Variants in BCAS3 observed in about 807,000 individuals in gnomAD.
BCAS3 encodes BCAS3 microtubule associated cell migration factor.
Under a neutral mutation model 116.1 loss-of-function variants are expected in BCAS3, and 53 were observed. The ratio of observed to expected loss-of-function variants is 0.46; its 90% CI spans 0.37 to 0.57. The LOEUF is 0.57. Ranked by LOEUF, BCAS3 falls within the 20% of genes least tolerant of loss-of-function variation. The pLI, the probability that BCAS3 is intolerant of heterozygous loss-of-function variation, is 0.00. For synonymous variants in BCAS3, 391 were observed against 408.2 expected, an observed-to-expected ratio of 0.96 and a Z score of 0.51; for missense variants, 917 against 1,165.4, an observed-to-expected ratio of 0.79 and a Z score of 3.10.
intron 14 of BCAS3, among the ~76,000 whole-genome samples, chr17:60,977,723 A>T (rs533755474): frequency 4.0e-5 from 6 of 150,392 alleles, no homozygotes; most frequent in African/African-American, 1.2e-4. Context: ...TCATTGTTCA[A>T]TTCCCACCTA....
chr17:60,989,029 C>G (rs1018557228), intron 14 of BCAS3, among the ~76,000 whole-genome samples: 5 of 151,676 alleles, frequency 3.3e-5, no homozygotes, highest in Admixed American at 2.0e-4. Flanking sequence ...CTATAAACTT[C>G]CCTCTTAGTA....
At chr17:61,163,347 C>T (rs2078279731) in intron 22 of BCAS3, among the ~76,000 whole-genome samples, 1 of 151,436 alleles carries the variant, frequency 6.6e-6, no homozygotes, top group Admixed American at 6.6e-5. Context: ...TGGTGTGAAC[C>T]TGGGAGGCGG....
intron 22 of BCAS3, among the ~76,000 whole-genome samples, chr17:61,193,798 G>C (rs890995208): frequency 2.3e-5 from 3 of 128,912 alleles, no homozygotes; most frequent in African/African-American, 8.8e-5. Context: ...TTGAATTTTT[G>C]AAAACCTAGT....
rs962760116 is a variant in BCAS3, at chr17:60,993,476, T to G, written c.1486+3241T>G. The stretch of plus-strand genomic sequence containing the variant: ...ATTTCAGGCAGCCTATTCCTCCTGA[T>G]AGATAACACGTGTTAAAATTTTATT... On this transcript the variant is annotated intron_variant, in intron 15 of 23. Transcript: ENST00000407086. This position sits in a 1 kb window ranked among gnomAD's most constrained non-coding sequence, Gnocchi z 4.2. Among the ~76,000 whole-genome samples, 2 of 152,216 alleles carry G rather than the reference T, an allele frequency of 1.3e-5. No homozygotes were observed. Among genetic ancestry groups the G allele is most frequent in the East Asian group, 1.9e-4 (1 of 5,200 alleles).
rs1243360795 is a variant in BCAS3 at position 60,706,758 on chromosome 17, CAAAAA to C, written c.215-2459_215-2455del. ...TGGACAACAGAGCAAGACTCTGTCT[CAAAAA>C]ACAAAACAAAACAAAACAACCCCAA... is the stretch of plus-strand genomic sequence containing the variant. On this transcript the variant is annotated intron_variant, in intron 4 of 23. Transcript: ENST00000407086. 4.3e-5 allele frequency among the ~76,000 whole-genome samples: 6 copies of C among 140,140 alleles called. No individual in the cohort carries two copies. The East Asian group carries it at 1.2e-3, about 28-fold the overall frequency. The allele number at this position is 140,140 out of a possible 152,430, so 91.9% of individuals were successfully genotyped here. A position where few individuals can be genotyped will look rare whatever the true frequency, so the allele number is the denominator to read the frequency against.
Position 60,956,571 on chromosome 17 carries a change from A to G in BCAS3, c.1221+9219A>G, listed in dbSNP as rs1340421458. The stretch of plus-strand genomic sequence containing the variant: ...CATTTAATTTATCTATAAGTTCAAT[A>G]TGGAAATAGAAATTTTGCTTAAGCT... On this transcript the variant is annotated intron_variant, in intron 14 of 23. Transcript: ENST00000407086. This position sits in a 1 kb window ranked among gnomAD's most constrained non-coding sequence, Gnocchi z 4.2. 6.6e-6 allele frequency among the ~76,000 whole-genome samples: 1 copy of G among 152,232 alleles called. No homozygotes were observed. Among genetic ancestry groups the G allele is most frequent in the Non-Finnish European group, 1.5e-5 (1 of 68,042 alleles).
rs945825835 is a variant in BCAS3, at chr17:61,161,729, A to G, written c.2425+77165A>G. On this transcript the variant is annotated intron_variant, in intron 22 of 23. Transcript: ENST00000407086. The surrounding 1 kb of genome is among the most constrained non-coding windows in gnomAD (Gnocchi z 4.8). ...GCCAGCGCCCCTCCCCTCAGCACAC[A>G]TACCAGCCCCCGCAATTCCAGTTTC... is the stretch of plus-strand genomic sequence containing the variant. Among the ~76,000 whole-genome samples, 1 of 152,160 alleles carries G rather than the reference A, an allele frequency of 6.6e-6. No individual in the cohort carries two copies. Among genetic ancestry groups the G allele is most frequent in the African/African-American group, 2.4e-5 (1 of 41,438 alleles).
intron 6 of BCAS3, among the ~76,000 whole-genome samples, chr17:60,753,275 T>C (rs1301101646): frequency 6.6e-6 from 1 of 152,126 alleles, no homozygotes; most frequent in East Asian, 1.9e-4. Flanking sequence ...TATTAATCTT[T>C]AGTTTCATAC....
At chr17:61,386,796 G>GTTTTTTTTT (rs57275173) in intron 23 of BCAS3, among the ~76,000 whole-genome samples, 1 of 113,842 alleles carries the variant, frequency 8.8e-6, no homozygotes, top group Non-Finnish European at 1.9e-5. Context: ...TTTGTTTTTT[G>GTTTTTTTTT]TTTTTTTTTT....
chr17:61,315,550 G>A lies in BCAS3; in HGVS notation c.2426-52777G>A, dbSNP rs114174045. Among the ~76,000 whole-genome samples, 902 of 152,294 alleles carry A rather than the reference G, an allele frequency of 5.9e-3. 7 individuals are homozygous for A. Among genetic ancestry groups the A allele is most frequent in the African/African-American group, 0.02 (844 of 41,562 alleles). ...AAGCCCATGGAAGAGGTTGCACAGC[G>A]TCGCTGGTTAATGGCAAAGCCCAGG... On this transcript the variant is annotated intron_variant, in intron 22 of 23. Transcript: ENST00000407086. The surrounding 1 kb of genome is among the most constrained non-coding windows in gnomAD (Gnocchi z 5.3).
intron 7 of BCAS3, among the ~76,000 whole-genome samples, chr17:60,832,465 C>T (rs1285466064): frequency 6.6e-6 from 1 of 152,172 alleles, no homozygotes; most frequent in Non-Finnish European, 1.5e-5. Context: ...ACCCACCTCA[C>T]TTGTTGCCTA....
chr17:61,337,796 G>A lies in BCAS3; in HGVS notation c.2426-30531G>A, dbSNP rs2056841673. Reference sequence around the variant, plus strand: ...CCTTTCAGCATTTCACAAGGTGTTAGAGACAGAGAAAGCCTCCTTGTTATG... The same window carrying A: ...CCTTTCAGCATTTCACAAGGTGTTAAAGACAGAGAAAGCCTCCTTGTTATG... On this transcript the variant is annotated intron_variant, in intron 22 of 23. Coordinates refer to ENST00000407086, the MANE Select transcript of BCAS3 (RefSeq NM_017679.5). The surrounding 1 kb of genome is among the most constrained non-coding windows in gnomAD (Gnocchi z 4.8). 6.6e-6 allele frequency among the ~76,000 whole-genome samples: 1 copy of A among 152,178 alleles called. No individual in the cohort carries two copies. The highest frequency in any genetic ancestry group is 2.4e-5 in the African/African-American group (1 of 41,438).
chr17:61,188,832 C>T lies in BCAS3; in HGVS notation c.2425+104268C>T, dbSNP rs1424651630. 1.3e-5 allele frequency among the ~76,000 whole-genome samples: 2 copies of T among 152,140 alleles called. No individual in the cohort carries two copies. Among genetic ancestry groups the T allele is most frequent in the East Asian group, 1.9e-4 (1 of 5,192 alleles). On this transcript the variant is annotated intron_variant, in intron 22 of 23. Coordinates refer to ENST00000407086, the MANE Select transcript of BCAS3 (RefSeq NM_017679.5). The surrounding 1 kb of genome is among the most constrained non-coding windows in gnomAD (Gnocchi z 4.0). ...ATTCAGTAAAGAATGGCATACTTGC[C>T]GGGCATGGTGGCTCATGCCTATAAT... is the stretch of plus-strand genomic sequence containing the variant.
intron 6 of BCAS3, among the ~76,000 whole-genome samples, chr17:60,751,638 G>A (rs139813922): frequency 2.6e-5 from 4 of 151,832 alleles, no homozygotes; most frequent in Non-Finnish European, 4.4e-5. Flanking sequence ...CATCTTCTGG[G>A]TTTAAGCGAT....
intron 6 of BCAS3, among the ~76,000 whole-genome samples, chr17:60,792,143 CA>C (rs1409333314): frequency 2.0e-5 from 3 of 152,072 alleles, no homozygotes; most frequent in Non-Finnish European, 4.4e-5. Flanking sequence ...AACAAACAAA[CA>C]AAAATCCCCG....
intron 19 of BCAS3, among the ~76,000 whole-genome samples, chr17:61,071,321 G>T (rs1235072753): frequency 1.3e-5 from 2 of 152,070 alleles, no homozygotes; most frequent in Non-Finnish European, 2.9e-5. Flanking sequence ...GCTCTCAAAT[G>T]AAAACCAGTT....
In BCAS3 at chr17:61,256,444, C is replaced by T. The variant is rs2048784838; in HGVS notation, c.2426-111883C>T. On this transcript the variant is annotated intron_variant, in intron 22 of 23. Transcript: ENST00000407086. This position sits in a 1 kb window ranked among gnomAD's most constrained non-coding sequence, Gnocchi z 5.6. ...TCAGCCTCCTGAGTAGCTGGGATTA[C>T]AGGCGTGGGCCACCATACCTGGCTA... 6.6e-6 allele frequency among the ~76,000 whole-genome samples: 1 copy of T among 152,166 alleles called. No individual in the cohort carries two copies. Among genetic ancestry groups the T allele is most frequent in the Non-Finnish European group, 1.5e-5 (1 of 68,020 alleles).
chr17:60,955,366 A>T lies in BCAS3; in HGVS notation c.1221+8014A>T, dbSNP rs550064896. On this transcript the variant is annotated intron_variant, in intron 14 of 23. Transcript: ENST00000407086. Reference sequence around the variant, plus strand: ...GATTGTCCCAGTAACTAGCTAAAGGATCTAGTTCAGGGAAACTGAATTTTT... The same window carrying T: ...GATTGTCCCAGTAACTAGCTAAAGGTTCTAGTTCAGGGAAACTGAATTTTT... Among the ~76,000 whole-genome samples the T allele has an allele frequency of 4.7e-5, 7 of 149,398 alleles. No homozygotes were observed. In the South Asian group the frequency reaches 1.5e-3, roughly 31 times the overall value.
At chr17:60,792,078 G>A (rs1054751751) in intron 6 of BCAS3, among the ~76,000 whole-genome samples, 1 of 152,130 alleles carries the variant, frequency 6.6e-6, no homozygotes, top group Admixed American at 6.5e-5. Flanking sequence ...AGCCGAGATC[G>A]TGCCACTGTA....
Sources: gnomAD v4.1 joint callset for allele counts (sites outside exome capture counted in the v4.1 genomes callset) on GRCh38, gnomAD v4.1.1 for gene constraint, Gnocchi (gnomAD v3.1) non-coding constraint, MANE v1.5 for transcripts, NCBI Gene and HGNC (gene_info 2026-07-23, HGNC 2026-07-21) for gene names.